PALLD: variants seen among roughly 807,000 people sequenced by gnomAD.
The protein encoded by PALLD is palladin, cytoskeletal associated protein.
Under a neutral mutation model 123.5 loss-of-function variants are expected in PALLD, and 61 were observed. That is an observed-to-expected ratio of 0.49 (90% confidence interval 0.40 to 0.61). The LOEUF (loss-of-function observed/expected upper bound fraction) is 0.61. Among genes scored for constraint, PALLD ranks in the 20% least tolerant of loss-of-function variants. The pLI is 0.00. For missense variants in PALLD, 1,273 were observed against 1,377.0 expected, an observed-to-expected ratio of 0.92 and a Z score of 1.20; for synonymous variants, 465 against 496.4, an observed-to-expected ratio of 0.94 and a Z score of 0.84.
chr4:168,755,694 A>C (rs1197402541), intron 10 of PALLD: 1 of 152,410 alleles, frequency 6.6e-6, no homozygotes, highest in African/African-American at 2.4e-5. Flanking sequence ...GGAGGTAGCG[A>C]GAAAGCCAGC....
intron 1 of PALLD, among the ~76,000 whole-genome samples, chr4:168,502,180 T>A (rs1254543395): frequency 7.4e-6 from 1 of 135,824 alleles, no homozygotes; most frequent in African/African-American, 3.4e-5. Context: ...CAAAATAAAT[T>A]TTTTTTTTAG....
chr4:168,781,818 A>G (rs982977139), intron 10 of PALLD, among the ~76,000 whole-genome samples: 1 of 152,202 alleles, frequency 6.6e-6, no homozygotes, highest in Non-Finnish European at 1.5e-5. Flanking sequence ...GTACAAGCTA[A>G]AAGTCATGCC....
intron 2 of PALLD, among the ~76,000 whole-genome samples, chr4:168,624,813 T>C (rs994358738): frequency 6.6e-6 from 1 of 152,104 alleles, no homozygotes; most frequent in Admixed American, 6.5e-5. Context: ...CCATTTACAA[T>C]AGTAATAACA....
intron 2 of PALLD, among the ~76,000 whole-genome samples, chr4:168,593,810 G>T (rs905695957): frequency 1.3e-5 from 2 of 152,146 alleles, no homozygotes; most frequent in African/African-American, 4.8e-5. Flanking sequence ...TGGTTATGTT[G>T]GGTGTTCTAT....
chr4:168,891,159 CATT>C (rs532522787), intron 11 of PALLD, 102 bp downstream of exon 11: 201 of 1,133,572 alleles, frequency 1.8e-4, no homozygotes, highest in African/African-American at 2.8e-4. Context: ...ACAACATCAT[CATT>C]ATTATTATTA....
chr4:168,500,952 C>T (rs1761337893), intron 1 of PALLD, among the ~76,000 whole-genome samples: 1 of 152,096 alleles, frequency 6.6e-6, no homozygotes, highest in Non-Finnish European at 1.5e-5. Flanking sequence ...TTACTTATGT[C>T]AAATGTGTAA....
chr4:168,652,845 C>T (rs1489706308), intron 2 of PALLD, among the ~76,000 whole-genome samples: 1 of 152,086 alleles, frequency 6.6e-6, no homozygotes, highest in African/African-American at 2.4e-5. Context: ...TTAGAAAGCC[C>T]CTGGAAATCT....
At chr4:168,611,372 G>T (rs939779404) in intron 2 of PALLD, among the ~76,000 whole-genome samples, 1 of 152,130 alleles carries the variant, frequency 6.6e-6, no homozygotes, top group Non-Finnish European at 1.5e-5. Flanking sequence ...GAACTGAATC[G>T]ATTGTCTCTG....
chr4:168,883,086 C>G (rs1475116514), intron 10 of PALLD, among the ~76,000 whole-genome samples: 4 of 85,646 alleles, frequency 4.7e-5, no homozygotes, highest in Non-Finnish European at 1.1e-4. Context: ...AAAACTCTGT[C>G]TCAAAAAAAA....
At chr4:168,816,001 G>A (rs1741857428) in intron 10 of PALLD, among the ~76,000 whole-genome samples, 2 of 152,168 alleles carry the variant, frequency 1.3e-5, no homozygotes, top group Admixed American at 6.5e-5. Context: ...TCAGCTTATT[G>A]TTTCAGGTTT....
intron 10 of PALLD, among the ~76,000 whole-genome samples, chr4:168,887,279 C>A (rs888087384): frequency 6.6e-6 from 1 of 152,118 alleles, no homozygotes; most frequent in African/African-American, 2.4e-5. Flanking sequence ...TGTTCTAAGT[C>A]CCTTTAAGAG....
chr4:168,609,665 T>G (rs2149759041), intron 2 of PALLD, among the ~76,000 whole-genome samples: 1 of 152,266 alleles, frequency 6.6e-6, no homozygotes, highest in African/African-American at 2.4e-5. Context: ...CAAGATGTCC[T>G]TGCAGGGAGT....
intron 10 of PALLD, among the ~76,000 whole-genome samples, chr4:168,840,113 T>TA (rs1561586159): frequency 2.5e-4 from 37 of 150,188 alleles, no homozygotes; most frequent in South Asian, 1.0e-3. Context: ...TAGATTTTTT[T>TA]TAAAAAAAAT....
Position 168,681,540 on chromosome 4 carries a change from A to ATTT in PALLD, c.1154+163_1154+165dup, listed in dbSNP as rs34328020. The ATTT allele has an allele frequency of 9.2e-3, 3,115 of 336,936 alleles. 9 individuals carry two copies. The highest frequency in any genetic ancestry group is 0.02 in the Admixed American group (459 of 23,050). 20.9% of individuals were successfully genotyped at this position (336,936 alleles called of 1,614,324 possible). A position where few individuals can be genotyped will look rare whatever the true frequency, so the allele number is the denominator to read the frequency against. ...GATCAAATACTGAGGTTGGAACACA[A>ATTT]TTTTTTTTTTTTTTTTTTTTTTTGA... On this transcript the variant is annotated intron_variant, in intron 4 of 21. Coordinates refer to ENST00000505667, the MANE Select transcript of PALLD (RefSeq NM_001166108.2).
chr4:168,510,183 T>C (rs1202498586), intron 1 of PALLD, among the ~76,000 whole-genome samples: 1 of 152,168 alleles, frequency 6.6e-6, no homozygotes, highest in Non-Finnish European at 1.5e-5. Flanking sequence ...GAACAATATA[T>C]AGCAAAAGAA....
intron 10 of PALLD, among the ~76,000 whole-genome samples, chr4:168,882,726 A>G (rs1341690752): frequency 2.0e-5 from 3 of 152,182 alleles, no homozygotes; most frequent in Non-Finnish European, 2.9e-5. Flanking sequence ...CCAACAAATT[A>G]GTAGGCAAGG....
At chr4:168,514,210 T>C (rs1018820292) in intron 2 of PALLD, among the ~76,000 whole-genome samples, 1 of 152,220 alleles carries the variant, frequency 6.6e-6, no homozygotes, top group Non-Finnish European at 1.5e-5. Flanking sequence ...ACACTGGTAC[T>C]TTCTTACTAA....
chr4:168,568,227 A>G (rs1768607493), intron 2 of PALLD, among the ~76,000 whole-genome samples: 1 of 152,152 alleles, frequency 6.6e-6, no homozygotes, highest in South Asian at 2.1e-4. Context: ...AGAGAAAATT[A>G]GAGGTACATA....
intron 15 of PALLD, among the ~76,000 whole-genome samples, chr4:168,907,041 C>T (rs1376227784): frequency 6.6e-6 from 1 of 152,132 alleles, no homozygotes; most frequent in Admixed American, 6.5e-5. Context: ...GGAATTCTAG[C>T]TCTGCCACTC....
Sources: gnomAD v4.1 joint callset for allele counts (sites outside exome capture counted in the v4.1 genomes callset) on GRCh38, gnomAD v4.1.1 for gene constraint, MANE v1.5 for transcripts, NCBI Gene and HGNC (gene_info 2026-07-23, HGNC 2026-07-21) for gene names.